NEK4: variants seen among roughly 807,000 people sequenced by gnomAD.
The protein encoded by NEK4 is NIMA related kinase 4.
Under a neutral mutation model 98.4 loss-of-function variants are expected in NEK4, and 86 were observed. The ratio of observed to expected loss-of-function variants is 0.87; its 90% CI spans 0.73 to 1.05. The LOEUF (loss-of-function observed/expected upper bound fraction) is 1.05, where lower values mean the gene tolerates loss of function less well. Ranked by LOEUF, NEK4 falls within the 50% of genes least tolerant of loss-of-function variation. The probability of loss-of-function intolerance (pLI) is 0.00; values close to 1 mark genes in which losing one functional copy is unlikely to be tolerated. For missense variants in NEK4, 898 were observed against 950.3 expected (o/e 0.94, Z 0.72); for synonymous variants, 328 against 342.2 (o/e 0.96, Z 0.46).
chr3:52,725,238 G>A (rs13063138), intron 15 of NEK4, among the ~76,000 whole-genome samples: 8,901 of 152,270 alleles, frequency 0.058, 356 homozygotes, highest in Non-Finnish European at 0.084. Context: ...CAGGCCGGGC[G>A]CTGCGGCTCA....
chr3:52,754,699 T>C (rs2097411624), intron 6 of NEK4: 2 of 550,320 alleles, frequency 3.6e-6, no homozygotes, highest in Admixed American at 4.1e-5. Context: ...ACTTAAGAGA[T>C]GGTGAATCTG....
chr3:52,716,542 G>A (rs1031353999), intron 15 of NEK4, among the ~76,000 whole-genome samples: 4 of 152,088 alleles, frequency 2.6e-5, no homozygotes, highest in Admixed American at 6.6e-5. Context: ...ACCCTAAAAT[G>A]ACCAATCCAC....
intron 15 of NEK4, 41 bp from the exon 16 acceptor site, chr3:52,711,910 G>A: frequency 1.8e-6 from 2 of 1,124,002 alleles, no homozygotes; most frequent in Non-Finnish European, 2.6e-6. Context: ...GTATGTAGTA[G>A]GAAAAAATAT....
In NEK4 at chr3:52,760,879, T is replaced by A. The variant is rs1198471748; in HGVS notation, c.879A>T (p.Thr293=). ...NGDSQSKPFA[T]VVSGEAESNH... is the part of the protein sequence containing the mutation. Reference sequence around the variant, plus strand: ...TTGATTCTGCCTCTCCAGAAACCACTGTAGCAAAAGGCTTGGATTGAGAGT... The same window carrying A: ...TTGATTCTGCCTCTCCAGAAACCACAGTAGCAAAAGGCTTGGATTGAGAGT... Residue 293 remains threonine (T), a synonymous_variant, in exon 6 of 16, where the codon ACA becomes ACT. Transcript: ENST00000233027. 7 of 1,609,064 alleles carry A rather than the reference T, an allele frequency of 4.4e-6. No homozygotes were observed. The Admixed American group carries it at 6.7e-5, about 15-fold the overall frequency.
intron 6 of NEK4, among the ~76,000 whole-genome samples, chr3:52,753,231 G>C (rs1472697646): frequency 1.3e-5 from 2 of 152,080 alleles, no homozygotes; most frequent in Non-Finnish European, 2.9e-5. Context: ...TGAGCCGGGA[G>C]GTCAAGGCTG....
intron 13 of NEK4, 130 bp downstream of exon 13, chr3:52,741,281 C>A: frequency 3.8e-6 from 2 of 531,756 alleles, no homozygotes; most frequent in Non-Finnish European, 6.6e-6. Context: ...TTAGCTCCAG[C>A]ATATGCCACA....
chr3:52,713,730 G>C (rs2097352496), intron 15 of NEK4, among the ~76,000 whole-genome samples: 1 of 149,156 alleles, frequency 6.7e-6, no homozygotes, highest in South Asian at 2.1e-4. Context: ...CGAGGCGGAG[G>C]TTGCGGTGAG....
At chr3:52,714,189 T>C (rs1397345515) in intron 15 of NEK4, among the ~76,000 whole-genome samples, 1 of 152,158 alleles carries the variant, frequency 6.6e-6, no homozygotes, top group Non-Finnish European at 1.5e-5. Context: ...TGAGCCGTGA[T>C]CATGCCACTG....
chr3:52,745,578 CAA>C (rs1426044451), intron 10 of NEK4, among the ~76,000 whole-genome samples: 6 of 135,766 alleles, frequency 4.4e-5, no homozygotes, highest in Admixed American at 7.4e-5. Flanking sequence ...GACTCCACCT[CAA>C]AAAAAAAAAA....
chr3:52,768,631 A>C, intron 1 of NEK4, 27 bp from the exon 2 acceptor site: 2 of 1,607,886 alleles, frequency 1.2e-6, no homozygotes, highest in South Asian at 2.2e-5. Flanking sequence ...TATTTTTACA[A>C]TGTGCAAATA....
chr3:52,767,632 C>G (rs973184403), intron 2 of NEK4, among the ~76,000 whole-genome samples: 2 of 151,734 alleles, frequency 1.3e-5, no homozygotes, highest in East Asian at 3.9e-4. Flanking sequence ...GCAGGAGAAT[C>G]GCTTGAACCT....
intron 6 of NEK4, among the ~76,000 whole-genome samples, chr3:52,759,790 A>G (rs558366422): frequency 6.6e-6 from 1 of 152,340 alleles, no homozygotes; most frequent in African/African-American, 2.4e-5. Context: ...CTACTTGCAC[A>G]CTTATGTTCA....
At chr3:52,714,391 G>A (rs2097353166) in intron 15 of NEK4, among the ~76,000 whole-genome samples, 1 of 152,254 alleles carries the variant, frequency 6.6e-6, no homozygotes, top group African/African-American at 2.4e-5. Context: ...CAGAAGGGAG[G>A]TGTGAGCGGT....
At chr3:52,759,100 A>G (rs1209745576) in intron 6 of NEK4, among the ~76,000 whole-genome samples, 1 of 137,240 alleles carries the variant, frequency 7.3e-6, no homozygotes, top group Non-Finnish European at 1.6e-5. Flanking sequence ...TAAAAAAAGA[A>G]AAAAGAAAAA....
At chr3:52,738,057 C>A (rs1035239875) in intron 14 of NEK4, among the ~76,000 whole-genome samples, 3 of 152,128 alleles carry the variant, frequency 2.0e-5, no homozygotes, top group African/African-American at 7.2e-5. Flanking sequence ...TCGTGACCCA[C>A]CCACCTCAGC....
In NEK4 at chr3:52,744,220, G is replaced by A. The variant is rs1357155214; in HGVS notation, c.1894+19C>T. ...TACCCCTAACTGCCAATTAGATGAA[G>A]AAAAGAAGTCAACTTTACCTGAAGA... On this transcript the variant is annotated intron_variant, in intron 11 of 15. Coordinates refer to ENST00000233027, the MANE Select transcript of NEK4 (RefSeq NM_003157.6). The A allele has an allele frequency of 1.3e-6, 2 of 1,597,892 alleles. No individual in the cohort carries two copies. Among genetic ancestry groups the A allele is most frequent in the African/African-American group, 1.3e-5 (1 of 74,604 alleles).
intron 15 of NEK4, among the ~76,000 whole-genome samples, chr3:52,720,778 C>T (rs2097359364): frequency 6.6e-6 from 1 of 152,150 alleles, no homozygotes; most frequent in South Asian, 2.1e-4. Flanking sequence ...GTTCATCAAG[C>T]TAAAAGGATG....
chr3:52,743,143 C>T (rs1344852668), intron 12 of NEK4: 1 of 490,568 alleles, frequency 2.0e-6, no homozygotes, highest in Non-Finnish European at 3.7e-6. Context: ...CAATTGTTTA[C>T]AAGAGTACCT....
chr3:52,727,999 T>C (rs959992855), intron 15 of NEK4, among the ~76,000 whole-genome samples: 4 of 152,024 alleles, frequency 2.6e-5, no homozygotes, highest in Admixed American at 6.6e-5. Flanking sequence ...TTGGGAGACA[T>C]AGATGAGAGG....
Sources: allele counts gnomAD v4.1 joint callset (sites outside exome capture counted in the v4.1 genomes callset), GRCh38; gene constraint gnomAD v4.1.1; transcripts MANE v1.5; gene names NCBI Gene and HGNC (gene_info 2026-07-23, HGNC 2026-07-21).